MUC6: variants seen among roughly 807,000 people sequenced by gnomAD.
The protein encoded by MUC6 is mucin 6, oligomeric mucus/gel-forming (gene/pseudogene).
A neutral mutation model predicts 201.5 loss-of-function variants in MUC6; 188 were observed. The ratio of observed to expected loss-of-function variants is 0.93; its 90% CI spans 0.83 to 1.05. MUC6 has a LOEUF of 1.05. MUC6 is among the 50% of genes least tolerant of loss of function. The pLI, the probability that MUC6 is intolerant of heterozygous loss-of-function variation, is 0.00. For synonymous variants in MUC6, 1,228 were observed against 1,389.4 expected (o/e 0.88, Z 2.58); for missense variants, 2,706 against 3,256.9 (o/e 0.83, Z 4.12).
chr11:1,016,225 C>G lies in MUC6; in HGVS notation c.6576G>C (p.Val2192=), dbSNP rs765632181. The G allele has an allele frequency of 6.2e-7, 1 of 1,613,240 alleles. No individual in the cohort carries two copies. Among genetic ancestry groups the G allele is most frequent in the South Asian group, 1.1e-5 (1 of 90,996 alleles). ...AAGAAGGAAAAAGAGGAGATGCAGA[C>G]ACTGATGCAGTCGTGGGATGAGTGG... is the stretch of plus-strand genomic sequence containing the variant. The part of the protein sequence containing the change: ...SLSTHPTTAS[V]SASPLFPSSP... Residue 2192 remains valine (V), a synonymous_variant, in exon 31 of 33, where the codon GTG becomes GTC. Coordinates refer to ENST00000421673, the MANE Select transcript of MUC6 (RefSeq NM_005961.3).
chr11:1,020,140 G>T lies in MUC6; in HGVS notation c.3758C>A (p.Pro1253His). ...GGATGTGAGCGTGGCTGGAAGGAGGGGTGTCTGGGTGGGGCTGGCAGGGGT... is the reference window on the plus strand; with the variant it reads ...GGATGTGAGCGTGGCTGGAAGGAGGTGTGTCTGGGTGGGGCTGGCAGGGGT... ...NHTPASPTQT[P>H]LLPATLTSSK... Residue 1253 changes from proline to histidine, a missense_variant, in exon 29 of 33, where the codon CCC becomes CAC. Physicochemically the swap from Pro to His is moderately conservative, Grantham distance 77. Around this residue, in one of 10 missense-constraint regions of MUC6, gnomAD observed 1,850 missense variants for 1,958.3 expected, o/e 0.94. Coordinates refer to ENST00000421673, the MANE Select transcript of MUC6 (RefSeq NM_005961.3). The T allele has an allele frequency of 6.2e-7, 1 of 1,613,364 alleles. No homozygotes were observed. Among genetic ancestry groups the T allele is most frequent in the South Asian group, 1.1e-5 (1 of 91,048 alleles).
chr11:1,030,935 C>T lies in MUC6; in HGVS notation c.684+12G>A, dbSNP rs377317417. ...ACCTGGGGTCAGCCCCACCTGGAGCCCCCTTGCTTACGTGCTGGGCCTGCC... is the reference window on the plus strand; with the variant it reads ...ACCTGGGGTCAGCCCCACCTGGAGCTCCCTTGCTTACGTGCTGGGCCTGCC... On this transcript the variant is annotated intron_variant, in intron 6 of 32. Transcript: ENST00000421673. The T allele has an allele frequency of 3.8e-6, 6 of 1,559,456 alleles. No individual in the cohort carries two copies. Among genetic ancestry groups the T allele is most frequent in the Non-Finnish European group, 4.3e-6 (5 of 1,152,446 alleles).
chr11:1,014,540 GAC>G (rs1441989261), intron 31 of MUC6, among the ~76,000 whole-genome samples: 12 of 152,228 alleles, frequency 7.9e-5, no homozygotes, highest in Admixed American at 7.2e-4. Context: ...AAGGCCCAGA[GAC>G]AGCCAGCCTC....
chr11:1,033,889 C>T lies in MUC6; in HGVS notation c.53-814G>A, dbSNP rs531604542. Among the ~76,000 whole-genome samples the T allele has an allele frequency of 1.3e-5, 2 of 152,270 alleles. No individual in the cohort carries two copies. Among genetic ancestry groups the T allele is most frequent in the African/African-American group, 4.8e-5 (2 of 41,554 alleles). ...GAGCAGGACCCGTGACCTCTCCAGGCCCTTCTTGGGGCCGGGACCCTCCTT... is the reference window on the plus strand; with the variant it reads ...GAGCAGGACCCGTGACCTCTCCAGGTCCTTCTTGGGGCCGGGACCCTCCTT... On this transcript the variant is annotated intron_variant, in intron 1 of 32. Coordinates refer to ENST00000421673, the MANE Select transcript of MUC6 (RefSeq NM_005961.3). This position sits in a 1 kb window ranked among gnomAD's most constrained non-coding sequence, Gnocchi z 5.6.
At chr11:1,015,567 G>A (rs1343540029) in intron 31 of MUC6, among the ~76,000 whole-genome samples, 195 bp downstream of exon 31, 1 of 152,142 alleles carries the variant, frequency 6.6e-6, no homozygotes, top group African/African-American at 2.4e-5. Flanking sequence ...GCACTTGCTT[G>A]GCCAGGACAG....
Position 1,033,457 on chromosome 11 carries a change from G to A in MUC6, c.53-382C>T, listed in dbSNP as rs2133838679. Among the ~76,000 whole-genome samples, 1 of 152,168 alleles carries A rather than the reference G, an allele frequency of 6.6e-6. No homozygotes were observed. Among genetic ancestry groups the A allele is most frequent in the South Asian group, 2.1e-4 (1 of 4,820 alleles). ...CTTGGCGGCGGAGCCAACAAAGTGG[G>A]CTGTGCCCGCCTCCCCAGCTTGGCC... On this transcript the variant is annotated intron_variant, in intron 1 of 32. Transcript: ENST00000421673. The surrounding 1 kb of genome is among the most constrained non-coding windows in gnomAD (Gnocchi z 5.6).
At position 1,026,155 on chromosome 11, in the gene MUC6, A is replaced by T; in HGVS notation, c.2547-14T>A. On this transcript the variant is annotated splice_polypyrimidine_tract_variant and intron_variant, in intron 20 of 32. Transcript: ENST00000421673. ...CTTGAGCAGGAGCTGTGGAGACAGC[A>T]GGTGTGGGTGGTGGGCCTGCGGCCC... The T allele has an allele frequency of 6.3e-7, 1 of 1,587,240 alleles. No homozygotes were observed. The highest frequency in any genetic ancestry group is 8.6e-7 in the Non-Finnish European group (1 of 1,168,066).
Position 1,024,953 on chromosome 11 carries a change from T to TC in MUC6, c.3115dup (p.Asp1039GlyfsTer55). On this transcript the variant is annotated frameshift_variant, in exon 24 of 33. Coordinates refer to ENST00000421673, the MANE Select transcript of MUC6 (RefSeq NM_005961.3). LOFTEE classifies it high-confidence loss of function. ...GCAGGGGTCTGTCACGAAGCTCACG[T>TC]CCCCGCACAGCGGGCTCTCCTTCCA... 6.2e-7 allele frequency: 1 copy of TC among 1,613,008 alleles called. No individual in the cohort carries two copies.
intron 1 of MUC6, 117 bp downstream of exon 1, chr11:1,036,487 G>A (rs564630288): frequency 1.3e-5 from 15 of 1,185,454 alleles, no homozygotes; most frequent in African/African-American, 7.8e-5. Context: ...GGGGCCTCCC[G>A]TCCATCAGCG....
At chr11:1,027,855 C>T in intron 15 of MUC6, 38 bp from the exon 16 acceptor site, 1 of 1,601,322 alleles carries the variant, frequency 6.2e-7, no homozygotes, top group Non-Finnish European at 8.5e-7. Context: ...GTGGCAGGCA[C>T]CCTGCCCTGG....
In MUC6 at chr11:1,025,182, C is replaced by A; in HGVS notation, c.2985G>T (p.Gln995His). 1 of 1,611,332 alleles carries A rather than the reference C, an allele frequency of 6.2e-7. No individual in the cohort carries two copies. Among genetic ancestry groups the A allele is most frequent in the Non-Finnish European group, 8.5e-7 (1 of 1,178,580 alleles). The change falls in exon 23 of 33, where the codon CAG becomes CAT. Residue 995 changes from glutamine to histidine, a missense_variant and splice_region_variant. Transcript: ENST00000421673. ...GGAGGAGGCAGAGGGCGTGCGGTAC[C>A]TGGGAGGCACGGGCGATCCTGATGA... Reference protein sequence around the residue: ...TILIRIARASQDPLCGLCGNF... With the variant: ...TILIRIARASHDPLCGLCGNF...
intron 26 of MUC6, 78 bp downstream of exon 26, chr11:1,023,431 C>T (rs372102436): frequency 4.2e-5 from 61 of 1,466,032 alleles, no homozygotes; most frequent in East Asian, 2.8e-4. Context: ...TGAATGAATG[C>T]GTGTGAATGA....
At chr11:1,029,016 TG>T (rs769571733) in intron 11 of MUC6, 29 bp downstream of exon 11, 17 of 1,612,482 alleles carry the variant, frequency 1.1e-5, no homozygotes, top group Middle Eastern at 1.6e-4. Flanking sequence ...GGAGCCCTGC[TG>T]GCAGGGATGG....
chr11:1,013,677 G>C, intron 32 of MUC6, 44 bp from the exon 33 acceptor site: 1 of 1,530,636 alleles, frequency 6.5e-7, no homozygotes, highest in Non-Finnish European at 8.8e-7. Context: ...CTGCTGCAGG[G>C]GCATAAGGCC....
chr11:1,023,255 T>C (rs1246464022), intron 26 of MUC6, among the ~76,000 whole-genome samples: 1 of 151,606 alleles, frequency 6.6e-6, no homozygotes, highest in Non-Finnish European at 1.5e-5. Flanking sequence ...TGAATGAATG[T>C]GCATGAGTGT....
chr11:1,035,119 C>T (rs1484562891), intron 1 of MUC6, among the ~76,000 whole-genome samples: 3 of 152,258 alleles, frequency 2.0e-5, no homozygotes, highest in South Asian at 2.1e-4. Context: ...CGGCCCACCG[C>T]GGCCCAGGCC....
Position 1,013,062 on chromosome 11 carries a change from C to T in MUC6, c.*394G>A. On this transcript the variant is annotated 3_prime_UTR_variant, in exon 33 of 33. Transcript: ENST00000421673. ...TCTCGGCACAGGTTTCCGTGCCCTCCTCGCCCCTGATGGGTCTGGTCGAGC... is the reference window on the plus strand; with the variant it reads ...TCTCGGCACAGGTTTCCGTGCCCTCTTCGCCCCTGATGGGTCTGGTCGAGC... 4.8e-6 allele frequency: 1 copy of T among 208,614 alleles called. No homozygotes were observed. The highest frequency in any genetic ancestry group is 1.4e-4 in the South Asian group (1 of 7,382). 12.9% of individuals were successfully genotyped at this position (208,614 alleles called of 1,614,324 possible).
chr11:1,036,118 C>T (rs1012572951), intron 1 of MUC6, among the ~76,000 whole-genome samples: 7 of 152,110 alleles, frequency 4.6e-5, no homozygotes, highest in South Asian at 2.1e-4. Context: ...CTTCCCCCCA[C>T]GGCGGCCACA....
At chr11:1,032,075 CA>C in intron 2 of MUC6, 22 bp from the exon 3 acceptor site, 1 of 1,610,552 alleles carries the variant, frequency 6.2e-7, no homozygotes, top group Non-Finnish European at 8.5e-7. Context: ...GCAGTGCTCA[CA>C]CAGCCCTGTG....
Sources: allele counts gnomAD v4.1 joint callset (sites outside exome capture counted in the v4.1 genomes callset), GRCh38; gene constraint gnomAD v4.1.1; regional missense constraint gnomAD v4.1.1; non-coding constraint Gnocchi (gnomAD v3.1); transcripts MANE v1.5; gene names NCBI Gene and HGNC (gene_info 2026-07-23, HGNC 2026-07-21).